Variants in FNDC1 observed in about 807,000 individuals in gnomAD.
The protein encoded by FNDC1 is fibronectin type III domain-containing protein 1.
Under a neutral mutation model 168.0 loss-of-function variants are expected in FNDC1, and 96 were observed. That is an observed-to-expected ratio of 0.57 (90% CI 0.48 to 0.68). The LOEUF (loss-of-function observed/expected upper bound fraction) is 0.68, where lower values mean the gene tolerates loss of function less well. Among genes scored for constraint, FNDC1 ranks in the 30% least tolerant of loss-of-function variants. The pLI, the probability that FNDC1 is intolerant of heterozygous loss-of-function variation, is 0.00. For missense variants in FNDC1, 2,587 were observed against 2,482.1 expected (o/e 1.04, Z -0.90); for synonymous variants, 1,099 against 1,025.9 (o/e 1.07, Z -1.36).
chr6:159,234,720 C>A (rs769455244), intron 11 of FNDC1, among the ~76,000 whole-genome samples: 21 of 152,252 alleles, frequency 1.4e-4, no homozygotes, highest in Non-Finnish European at 2.4e-4. Context: ...AGGCAGACAC[C>A]TCAGAGTTGC....
rs189821756 is a variant in FNDC1 at position 159,236,562 on chromosome 6, C to T, written c.4068+247C>T. 5.0e-4 allele frequency among the ~76,000 whole-genome samples: 76 copies of T among 152,326 alleles called. 1 individual carries two copies. The East Asian group carries it at 0.012, about 23-fold the overall frequency. ...GGCCTTCGTTTTTCATTTGCCTTGA[C>T]TGGTTAGGAAGGTCAAATGAATGCA... On this transcript the variant is annotated intron_variant, in intron 12 of 22. Coordinates refer to ENST00000297267, the MANE Select transcript of FNDC1 (RefSeq NM_032532.3).
At chr6:159,253,692 A>G (rs972272237) in intron 17 of FNDC1, among the ~76,000 whole-genome samples, 1 of 152,228 alleles carries the variant, frequency 6.6e-6, no homozygotes, top group Non-Finnish European at 1.5e-5. Flanking sequence ...CCAGCTCATC[A>G]GTCACTTTCA....
In FNDC1 at chr6:159,232,038, TGAA is replaced by T; in HGVS notation, c.1530_1532del (p.Lys510del). On this transcript the variant is annotated inframe_deletion, in exon 11 of 23. Transcript: ENST00000297267. This position sits in a 1 kb window ranked among gnomAD's most constrained non-coding sequence, Gnocchi z 4.9. ...AATGCCAAGGACCTTCTTCTTGACTTGAAGAACAAAATATTGGCTAATGGTGGG... is the reference window on the plus strand; with the variant it reads ...AATGCCAAGGACCTTCTTCTTGACTTGAACAAAATATTGGCTAATGGTGGG... 3.1e-6 allele frequency: 5 copies of T among 1,613,844 alleles called. 1 individual carries two copies. In the South Asian group the frequency reaches 5.5e-5, roughly 18 times the overall value.
intron 1 of FNDC1, among the ~76,000 whole-genome samples, chr6:159,180,652 G>A (rs1157590055): frequency 2.0e-5 from 3 of 152,106 alleles, no homozygotes; most frequent in Non-Finnish European, 2.9e-5. Context: ...CCCCTGACAG[G>A]CCCCAGTGTG....
intron 10 of FNDC1, among the ~76,000 whole-genome samples, 183 bp from the exon 11 acceptor site, chr6:159,231,699 T>C (rs1168409685): frequency 1.3e-5 from 2 of 152,236 alleles, no homozygotes; most frequent in African/African-American, 2.4e-5. Context: ...AAGCAAAATA[T>C]AAGTTTTAAA....
chr6:159,182,134 C>T (rs79060306), intron 1 of FNDC1, among the ~76,000 whole-genome samples: 7,367 of 152,258 alleles, frequency 0.048, 245 homozygotes, highest in East Asian at 0.18. Flanking sequence ...ACAGCTGCAT[C>T]ATGACTGCAC....
At chr6:159,205,992 C>T (rs1271506119) in intron 4 of FNDC1, among the ~76,000 whole-genome samples, 1 of 152,256 alleles carries the variant, frequency 6.6e-6, no homozygotes, top group Admixed American at 6.5e-5. Flanking sequence ...CCAGGGCCCC[C>T]TTGTTGGGTG....
At chr6:159,229,040 T>C (rs943511619) in intron 9 of FNDC1, among the ~76,000 whole-genome samples, 2 of 152,190 alleles carry the variant, frequency 1.3e-5, no homozygotes, top group Non-Finnish European at 2.9e-5. Context: ...GGCATGACAG[T>C]TTTTAGTTGA....
At chr6:159,218,585 C>T (rs918853446) in intron 5 of FNDC1, 7 of 152,302 alleles carry the variant, frequency 4.6e-5, no homozygotes, top group Admixed American at 3.9e-4. Flanking sequence ...ACCAGAGAGG[C>T]CACAGAACCC....
intron 5 of FNDC1, among the ~76,000 whole-genome samples, chr6:159,219,986 T>A (rs945612141): frequency 2.0e-5 from 3 of 152,224 alleles, no homozygotes; most frequent in Non-Finnish European, 4.4e-5. Context: ...TAGTTTGATG[T>A]TCTGTGCATT....
In FNDC1 at chr6:159,232,695, G is replaced by A. The variant is rs749482892; in HGVS notation, c.2183G>A (p.Arg728Gln). The A allele has an allele frequency of 1.9e-6, 3 of 1,613,854 alleles. No individual in the cohort carries two copies. The highest frequency in any genetic ancestry group is 2.2e-5 in the East Asian group (1 of 44,864). Residue 728 changes from arginine to glutamine, a missense_variant, in exon 11 of 23, where the codon CGG (arginine) becomes CAG (glutamine). By Grantham distance (43) the Arg-to-Gln change is conservative (BLOSUM62 1). Coordinates refer to ENST00000297267, the MANE Select transcript of FNDC1 (RefSeq NM_032532.3). This position sits in a 1 kb window ranked among gnomAD's most constrained non-coding sequence, Gnocchi z 4.9. Reference protein sequence around the residue: ...RLSPPHGGSSRLLPTQPHLSS... With the variant: ...RLSPPHGGSSQLLPTQPHLSS... ...TCTCCACCCCATGGGGGATCATCTCGGCTGCTGCCCACCCAGCCACACCTG... is the reference window on the plus strand; with the variant it reads ...TCTCCACCCCATGGGGGATCATCTCAGCTGCTGCCCACCCAGCCACACCTG...
intron 18 of FNDC1, among the ~76,000 whole-genome samples, chr6:159,257,375 G>C (rs565616078): frequency 6.6e-6 from 1 of 152,182 alleles, no homozygotes; most frequent in Non-Finnish European, 1.5e-5. Flanking sequence ...TTTCTATGGT[G>C]TAAATACTAC....
chr6:159,199,100 C>A (rs772224404), intron 2 of FNDC1, among the ~76,000 whole-genome samples: 8 of 152,232 alleles, frequency 5.3e-5, no homozygotes, highest in Non-Finnish European at 1.2e-4. Context: ...TAACCCTCAC[C>A]TCTCCAGCTC....
In FNDC1 at chr6:159,232,490, A is replaced by C. The variant is rs748037410; in HGVS notation, c.1978A>C (p.Lys660Gln). The stretch of plus-strand genomic sequence containing the variant: ...GCGCGCTGTGGGCTCCCTCCACCCC[A>C]AGGGCGCCTTCGCCCAGCCCCGGCC... ...DERAVGSLHP[K>Q]GAFAQPRPAL... Residue 660 changes from lysine to glutamine, a missense_variant, in exon 11 of 23, where the codon AAG (lysine) becomes CAG (glutamine). Lys to Gln is a moderately conservative substitution (Grantham distance 53, BLOSUM62 1). Coordinates refer to ENST00000297267, the MANE Select transcript of FNDC1 (RefSeq NM_032532.3). This position sits in a 1 kb window ranked among gnomAD's most constrained non-coding sequence, Gnocchi z 4.9. 1.9e-6 allele frequency: 3 copies of C among 1,612,302 alleles called. No individual in the cohort carries two copies. Among genetic ancestry groups the C allele is most frequent in the Non-Finnish European group, 2.5e-6 (3 of 1,179,270 alleles).
chr6:159,213,428 G>A (rs1196060701), intron 4 of FNDC1, among the ~76,000 whole-genome samples: 5 of 152,134 alleles, frequency 3.3e-5, no homozygotes, highest in Non-Finnish European at 5.9e-5. Flanking sequence ...AGCTTATTAC[G>A]GTTGAGTGTC....
chr6:159,191,025 A>G lies in FNDC1; in HGVS notation c.110-6406A>G, dbSNP rs1024568573. 3.3e-5 allele frequency among the ~76,000 whole-genome samples: 5 copies of G among 152,212 alleles called. No individual in the cohort carries two copies. In the South Asian group the frequency reaches 8.3e-4, roughly 25 times the overall value. ...AAGGCTAGGAGGCCTCAGGAAACTT[A>G]CAAGCTTGGCGGAAAGCAAAGGGGA... On this transcript the variant is annotated intron_variant, in intron 1 of 22. Transcript: ENST00000297267.
intron 1 of FNDC1, among the ~76,000 whole-genome samples, chr6:159,193,913 C>A (rs960863458): frequency 3.3e-5 from 5 of 152,272 alleles, no homozygotes; most frequent in African/African-American, 1.2e-4. Context: ...AAGTGTCTAG[C>A]CTGGCAATTG....
Position 159,267,800 on chromosome 6 carries a change from G to C in FNDC1, c.5447-4G>C, listed in dbSNP as rs1488658590. The C allele has an allele frequency of 6.2e-7, 1 of 1,613,708 alleles. No individual in the cohort carries two copies. The highest frequency in any genetic ancestry group is 1.7e-5 in the Admixed American group (1 of 59,978). The stretch of plus-strand genomic sequence containing the variant: ...TCATGGACTCAATCAATTCCTTCAT[G>C]CAGATACATTCTACAGCATTGGAGA... On this transcript the variant is annotated splice_polypyrimidine_tract_variant and splice_region_variant and intron_variant, in intron 21 of 22. Transcript: ENST00000297267.
chr6:159,271,244 G>C (rs2115040636), intron 22 of FNDC1, 83 bp from the exon 23 acceptor site: 2 of 882,422 alleles, frequency 2.3e-6, no homozygotes, highest in South Asian at 1.5e-5. Context: ...GAGGCCTTCT[G>C]TCTGAAGGAG....
Sources: gnomAD v4.1 joint callset for allele counts (sites outside exome capture counted in the v4.1 genomes callset) on GRCh38, gnomAD v4.1.1 for gene constraint, Gnocchi (gnomAD v3.1) non-coding constraint, MANE v1.5 for transcripts, NCBI Gene and HGNC (gene_info 2026-07-23, HGNC 2026-07-21) for gene names.